Variants in AGTR1 observed in about 807,000 individuals in gnomAD.
AGTR1 encodes the protein type-1 angiotensin II receptor.
A neutral mutation model predicts 19.4 loss-of-function variants in AGTR1; 16 were observed. The observed-to-expected ratio is 0.82, with a 90% confidence interval of 0.56 to 1.25. The LOEUF (loss-of-function observed/expected upper bound fraction) is 1.25, where lower values mean the gene tolerates loss of function less well. Ranked by LOEUF, AGTR1 falls within the 50% of genes most tolerant of loss-of-function variation. The pLI is 0.00. For missense variants in AGTR1, 373 were observed against 431.9 expected (o/e 0.86, Z 1.21); for synonymous variants, 153 against 154.9 (o/e 0.99, Z 0.09).
At chr3:148,721,455 G>C (rs2107947895) in intron 2 of AGTR1, among the ~76,000 whole-genome samples, 1 of 152,190 alleles carries the variant, frequency 6.6e-6, no homozygotes, top group South Asian at 2.1e-4. Flanking sequence ...GAATAACAGG[G>C]ACTAGATTTA....
intron 1 of AGTR1, among the ~76,000 whole-genome samples, chr3:148,703,350 C>T (rs1369913476): frequency 2.0e-5 from 3 of 152,172 alleles, no homozygotes; most frequent in Non-Finnish European, 2.9e-5. Flanking sequence ...GCATAAGAAT[C>T]TGCATTTTAG....
At chr3:148,704,544 C>T (rs1438010857) in intron 1 of AGTR1, among the ~76,000 whole-genome samples, 1 of 152,134 alleles carries the variant, frequency 6.6e-6, no homozygotes, top group Non-Finnish European at 1.5e-5. Context: ...ACTCAAATTA[C>T]ATATTACTTT....
chr3:148,706,063 A>G (rs1467234158), intron 1 of AGTR1, among the ~76,000 whole-genome samples: 1 of 151,894 alleles, frequency 6.6e-6, no homozygotes, highest in Non-Finnish European at 1.5e-5. Context: ...AAAATTTTCT[A>G]TAATGGATCT....
At chr3:148,699,093 C>T (rs1036775201) in intron 1 of AGTR1, among the ~76,000 whole-genome samples, 2 of 152,158 alleles carry the variant, frequency 1.3e-5, no homozygotes, top group Non-Finnish European at 2.9e-5. Context: ...TACTCCCCCC[C>T]TTCAGGAGCC....
At chr3:148,723,991 C>T (rs1312872633) in intron 2 of AGTR1, among the ~76,000 whole-genome samples, 1 of 152,182 alleles carries the variant, frequency 6.6e-6, no homozygotes, top group East Asian at 1.9e-4. Context: ...TTCAAATTGG[C>T]AGCCTTTTTA....
chr3:148,719,282 A>G (rs956543165), intron 2 of AGTR1, among the ~76,000 whole-genome samples: 1 of 137,504 alleles, frequency 7.3e-6, no homozygotes, highest in Admixed American at 6.9e-5. Context: ...TAAAATTCAC[A>G]TATTTCATAG....
Position 148,741,227 on chromosome 3 carries a change from T to C in AGTR1, c.192T>C (p.Ser64=), listed in dbSNP as rs959805889. ...YFYMKLKTVA[S]VFLLNLALAD... Reference sequence around the variant, plus strand: ...ATATGAAGCTGAAGACTGTGGCCAGTGTTTTTCTTTTGAATTTAGCACTGG... The same window carrying C: ...ATATGAAGCTGAAGACTGTGGCCAGCGTTTTTCTTTTGAATTTAGCACTGG... The change falls in exon 3 of 3, where the codon AGT becomes AGC. Residue 64 remains serine, a synonymous_variant. Coordinates refer to ENST00000349243, the MANE Select transcript of AGTR1 (RefSeq NM_000685.5). 5 of 1,614,148 alleles carry C rather than the reference T, an allele frequency of 3.1e-6. No homozygotes were observed. The highest frequency in any genetic ancestry group is 2.7e-5 in the African/African-American group (2 of 75,058).
intron 2 of AGTR1, among the ~76,000 whole-genome samples, chr3:148,726,440 C>A (rs928610874): frequency 3.9e-5 from 6 of 152,148 alleles, no homozygotes; most frequent in Non-Finnish European, 8.8e-5. Flanking sequence ...AGCTCCTGAC[C>A]TTGTGATCCG....
At chr3:148,724,557 A>G (rs530083446) in intron 2 of AGTR1, among the ~76,000 whole-genome samples, 1 of 152,358 alleles carries the variant, frequency 6.6e-6, no homozygotes, top group East Asian at 1.9e-4. Context: ...ATACATGTAT[A>G]TTCTTGTATT....
At chr3:148,718,206 A>C (rs1474370831) in intron 2 of AGTR1, among the ~76,000 whole-genome samples, 1 of 152,202 alleles carries the variant, frequency 6.6e-6, no homozygotes, top group Non-Finnish European at 1.5e-5. Context: ...ACTTACTGAA[A>C]TGCAGGCGTA....
At position 148,741,726 on chromosome 3, in the gene AGTR1, A is replaced by G; in HGVS notation, c.691A>G (p.Asn231Asp). The G allele has an allele frequency of 6.2e-7, 1 of 1,614,072 alleles. No individual in the cohort carries two copies. Among genetic ancestry groups the G allele is most frequent in the African/African-American group, 1.3e-5 (1 of 75,030 alleles). ...ALKKAYEIQK[N>D]KPRNDDIFKI... ...AAAGAAGGCTTATGAAATTCAGAAG[A>G]ACAAACCAAGAAATGATGATATTTT... is the stretch of plus-strand genomic sequence containing the variant. Residue 231 changes from asparagine (N) to aspartate (D), a missense_variant, in exon 3 of 3, where the codon AAC becomes GAC. Coordinates refer to ENST00000349243, the MANE Select transcript of AGTR1 (RefSeq NM_000685.5).
chr3:148,725,979 G>T (rs1713910252), intron 2 of AGTR1, among the ~76,000 whole-genome samples: 1 of 152,104 alleles, frequency 6.6e-6, no homozygotes, highest in Non-Finnish European at 1.5e-5. Context: ...TGTATCTAGT[G>T]TATTCATACT....
At chr3:148,709,034 C>A (rs979184187) in intron 2 of AGTR1, among the ~76,000 whole-genome samples, 1 of 152,150 alleles carries the variant, frequency 6.6e-6, no homozygotes, top group Non-Finnish European at 1.5e-5. Flanking sequence ...ATTTAGAATG[C>A]CTTTAATCTT....
chr3:148,718,259 A>G (rs531798909), intron 2 of AGTR1, among the ~76,000 whole-genome samples: 2 of 152,340 alleles, frequency 1.3e-5, no homozygotes, highest in South Asian at 2.1e-4. Context: ...CCAAACCTCT[A>G]TGCAATACTC....
intron 1 of AGTR1, among the ~76,000 whole-genome samples, chr3:148,704,229 A>G (rs1559921591): frequency 6.6e-6 from 1 of 151,862 alleles, no homozygotes; most frequent in Non-Finnish European, 1.5e-5. Context: ...CACACCATGT[A>G]GTAGTTGGGA....
At chr3:148,727,381 C>T (rs1436405912) in intron 2 of AGTR1, among the ~76,000 whole-genome samples, 1 of 152,162 alleles carries the variant, frequency 6.6e-6, no homozygotes, top group Non-Finnish European at 1.5e-5. Context: ...TCAGTTCAGA[C>T]CGGAAGGATA....
At chr3:148,710,682 T>G (rs1019521090) in intron 2 of AGTR1, among the ~76,000 whole-genome samples, 7 of 152,124 alleles carry the variant, frequency 4.6e-5, no homozygotes, top group Non-Finnish European at 1.0e-4. Context: ...TTAATAAAAA[T>G]GTACATATTA....
Position 148,740,982 on chromosome 3 carries a change from TC to T in AGTR1, c.-47-3del. On this transcript the variant is annotated splice_region_variant and splice_polypyrimidine_tract_variant and intron_variant, in intron 2 of 2. Transcript: ENST00000349243. Reference sequence around the variant, plus strand: ...TTTCTTTACCATTTTATTTTTATTTTCCCCAGGTGTATTTGATATAGTGTTT... The same window carrying T: ...TTTCTTTACCATTTTATTTTTATTTTCCCAGGTGTATTTGATATAGTGTTT... 6.3e-7 allele frequency: 1 copy of T among 1,598,960 alleles called. No individual in the cohort carries two copies. Among genetic ancestry groups the T allele is most frequent in the Non-Finnish European group, 8.5e-7 (1 of 1,175,036 alleles).
In AGTR1 at chr3:148,741,720, CAGA is replaced by C. The variant is rs1173407600; in HGVS notation, c.690_692del (p.Lys230del). ...GGCCCTAAAGAAGGCTTATGAAATT[CAGA>C]AGAACAAACCAAGAAATGATGATAT... On this transcript the variant is annotated inframe_deletion, in exon 3 of 3. Coordinates refer to ENST00000349243, the MANE Select transcript of AGTR1 (RefSeq NM_000685.5). The C allele has an allele frequency of 1.2e-6, 2 of 1,613,858 alleles. No individual in the cohort carries two copies. The highest frequency in any genetic ancestry group is 1.7e-6 in the Non-Finnish European group (2 of 1,179,974).
Sources: gnomAD v4.1 joint callset for allele counts (sites outside exome capture counted in the v4.1 genomes callset) on GRCh38, gnomAD v4.1.1 for gene constraint, MANE v1.5 for transcripts, NCBI Gene and HGNC (gene_info 2026-07-23, HGNC 2026-07-21) for gene names.